ULK2: variants seen among roughly 807,000 people sequenced by gnomAD.
The protein encoded by ULK2 is unc-51 like autophagy activating kinase 2, also known as serine/threonine-protein kinase ULK2.
ULK2 carries 76 observed loss-of-function variants against 127.5 expected under a neutral mutation model. The observed-to-expected ratio is 0.60, with a 90% confidence interval of 0.50 to 0.72. The LOEUF (loss-of-function observed/expected upper bound fraction) is 0.72, where lower values mean the gene tolerates loss of function less well. ULK2 is among the 30% of genes least tolerant of loss of function. ULK2 has a pLI of 0.00. For missense variants in ULK2, 1,144 were observed against 1,295.9 expected, an observed-to-expected ratio of 0.88 and a Z score of 1.80; for synonymous variants, 452 against 461.9, an observed-to-expected ratio of 0.98 and a Z score of 0.28.
In ULK2 at chr17:19,867,352, C is replaced by G. The variant is rs1476405027; in HGVS notation, c.66G>C (p.Val22=). 6.2e-7 allele frequency: 1 copy of G among 1,602,192 alleles called. No individual in the cohort carries two copies. Among genetic ancestry groups the G allele is most frequent in the Non-Finnish European group, 8.5e-7 (1 of 1,175,604 alleles). Residue 22 remains valine, a synonymous_variant, in exon 1 of 27, where the codon GTG becomes GTC. Transcript: ENST00000395544. ...RDLVGHGAFA[V]VFRGRHRQKT... ...CCTGGCGGTGCCGCCCCCGGAAGAC[C>G]ACGGCGAAGGCCCCGTGTCCCACGA... is the stretch of plus-strand genomic sequence containing the variant.
intron 3 of ULK2, among the ~76,000 whole-genome samples, chr17:19,852,851 T>G (rs1031364943): frequency 1.3e-5 from 2 of 151,746 alleles, no homozygotes; most frequent in Non-Finnish European, 2.9e-5. Context: ...AGGGTTTCAC[T>G]GTGTTAGCCA....
intron 14 of ULK2, among the ~76,000 whole-genome samples, chr17:19,805,841 G>A (rs565647634): frequency 2.0e-5 from 3 of 152,226 alleles, no homozygotes; most frequent in South Asian, 2.1e-4. Context: ...ACTGTTTATC[G>A]TGACTTTTCT....
chr17:19,807,860 G>C (rs2087547084), intron 14 of ULK2, among the ~76,000 whole-genome samples: 1 of 152,072 alleles, frequency 6.6e-6, no homozygotes, highest in Non-Finnish European at 1.5e-5. Flanking sequence ...AATTGTTTAA[G>C]GTTTGGGAGG....
At chr17:19,793,664 TA>T (rs1180740483) in intron 20 of ULK2, among the ~76,000 whole-genome samples, 2 of 152,142 alleles carry the variant, frequency 1.3e-5, no homozygotes, top group Admixed American at 6.5e-5. Flanking sequence ...AAAACAAGGA[TA>T]CCAGAGAAAA....
chr17:19,817,735 T>G (rs74474033), intron 12 of ULK2, among the ~76,000 whole-genome samples: 110 of 152,294 alleles, frequency 7.2e-4, no homozygotes, highest in Non-Finnish European at 1.1e-3. Flanking sequence ...CTGTTTCATC[T>G]TTGCCTTTAT....
intron 12 of ULK2, among the ~76,000 whole-genome samples, chr17:19,824,764 T>C (rs9898591): frequency 0.042 from 6,418 of 152,260 alleles, 377 homozygotes; most frequent in African/African-American, 0.13. Context: ...TAAATATTTA[T>C]TGCCTATCCA....
rs140230822 is a variant in ULK2 at position 19,862,476 on chromosome 17, T to G, written c.225+2327A>C. On this transcript the variant is annotated intron_variant, in intron 3 of 26. Transcript: ENST00000395544. ...CACATGAAAAATGACAATTTTTTTT[T>G]TTTGTTTGAGATGGAGTTTCGCTCG... Among the ~76,000 whole-genome samples the G allele has an allele frequency of 6.4e-3, 975 of 152,182 alleles. 16 individuals carry two copies. The highest frequency in any genetic ancestry group is 0.019 in the African/African-American group (798 of 41,524).
chr17:19,838,233 AATATAAT>A (rs2041646377), intron 10 of ULK2, among the ~76,000 whole-genome samples: 1 of 141,238 alleles, frequency 7.1e-6, no homozygotes, highest in African/African-American at 2.7e-5. Context: ...AGCAACTTCT[AATATAAT>A]ATATAATTAT....
intron 13 of ULK2, 145 bp downstream of exon 13, chr17:19,816,604 T>C: frequency 1.4e-6 from 1 of 717,492 alleles, no homozygotes; most frequent in Non-Finnish European, 2.0e-6. Flanking sequence ...AAGGTAGGAA[T>C]ATAATTCTGA....
intron 10 of ULK2, among the ~76,000 whole-genome samples, chr17:19,834,646 T>C (rs909009459): frequency 2.0e-5 from 3 of 152,166 alleles, no homozygotes; most frequent in African/African-American, 4.8e-5. Context: ...GCATGATGGC[T>C]GACACCTATA....
At chr17:19,820,548 G>A (rs1471469712) in intron 12 of ULK2, among the ~76,000 whole-genome samples, 1 of 152,166 alleles carries the variant, frequency 6.6e-6, no homozygotes, top group Admixed American at 6.5e-5. Flanking sequence ...TATCCACTAT[G>A]GGAGCTACCA....
At chr17:19,828,191 A>G (rs169513) in intron 10 of ULK2, among the ~76,000 whole-genome samples, 136,139 of 152,186 alleles carry the variant, frequency 0.89, 61,616 homozygotes, top group Non-Finnish European at 0.97. Context: ...GGAAGAAATT[A>G]AGATATCCCC....
chr17:19,846,207 C>A (rs945013731), intron 6 of ULK2, among the ~76,000 whole-genome samples: 1 of 152,116 alleles, frequency 6.6e-6, no homozygotes. Context: ...TCGAGAGACG[C>A]AGGTATTCAT....
At chr17:19,786,359 G>GT (rs1470907478) in intron 20 of ULK2, among the ~76,000 whole-genome samples, 1 of 152,136 alleles carries the variant, frequency 6.6e-6, no homozygotes, top group African/African-American at 2.4e-5. Context: ...TACATGAACT[G>GT]TAAGTTATAC....
intron 3 of ULK2, among the ~76,000 whole-genome samples, chr17:19,863,488 T>C (rs1326803417): frequency 6.7e-6 from 1 of 149,622 alleles, no homozygotes; most frequent in Non-Finnish European, 1.5e-5. Context: ...TAGCTACATG[T>C]GATTCTAGTT....
At chr17:19,819,948 C>T (rs2041094368) in intron 12 of ULK2, among the ~76,000 whole-genome samples, 1 of 152,156 alleles carries the variant, frequency 6.6e-6, no homozygotes, top group African/African-American at 2.4e-5. Context: ...CTCTCTCACT[C>T]CAACCTAGTC....
intron 18 of ULK2, among the ~76,000 whole-genome samples, chr17:19,796,594 C>T (rs2087277496): frequency 6.6e-6 from 1 of 152,142 alleles, no homozygotes; most frequent in Admixed American, 6.6e-5. Flanking sequence ...TTTAATCATC[C>T]ATGCACAATT....
Position 19,780,643 on chromosome 17 carries a change from G to C in ULK2, c.2759-14C>G. On this transcript the variant is annotated splice_polypyrimidine_tract_variant and intron_variant, in intron 24 of 26. Transcript: ENST00000395544. ...GATTCTTGACAACTGAAAAAAAATT[G>C]AGATGGGAACTAATTTTAATTTTCC... The C allele has an allele frequency of 6.3e-7, 1 of 1,593,920 alleles. No individual in the cohort carries two copies. Among genetic ancestry groups the C allele is most frequent in the Non-Finnish European group, 8.5e-7 (1 of 1,170,098 alleles).
intron 23 of ULK2, among the ~76,000 whole-genome samples, chr17:19,781,345 G>A (rs2086916578): frequency 6.6e-6 from 1 of 150,702 alleles, no homozygotes; most frequent in South Asian, 2.1e-4. Context: ...GGGCTCAAGG[G>A]ATCCTCCCAC....
Sources: gnomAD v4.1 joint callset for allele counts (sites outside exome capture counted in the v4.1 genomes callset) on GRCh38, gnomAD v4.1.1 for gene constraint, MANE v1.5 for transcripts, NCBI Gene and HGNC (gene_info 2026-07-23, HGNC 2026-07-21) for gene names.